DSC2: variants seen among roughly 807,000 people sequenced by gnomAD.
The protein encoded by DSC2 is desmocollin 2.
Under a neutral mutation model 87.6 loss-of-function variants are expected in DSC2, and 51 were observed. The ratio of observed to expected loss-of-function variants is 0.58; its 90% CI spans 0.46 to 0.74. DSC2 has a LOEUF of 0.74. Ranked by LOEUF, DSC2 falls within the 30% of genes least tolerant of loss-of-function variation. DSC2 has a pLI of 0.00. For synonymous variants in DSC2, 383 were observed against 393.2 expected, an observed-to-expected ratio of 0.97 and a Z score of 0.31; for missense variants, 1,066 against 1,089.5, an observed-to-expected ratio of 0.98 and a Z score of 0.30.
intron 7 of DSC2, 84 bp downstream of exon 7, chr18:31,086,492 C>G: frequency 6.7e-7 from 1 of 1,499,512 alleles, no homozygotes; most frequent in Non-Finnish European, 9.3e-7. Context: ...TCACAACATA[C>G]TTTTCAAAAA....
intron 2 of DSC2, 59 bp downstream of exon 2, chr18:31,093,500 C>T: frequency 7.5e-7 from 1 of 1,339,568 alleles, no homozygotes; most frequent in Non-Finnish European, 1.1e-6. Flanking sequence ...TGTAGTATTC[C>T]ATGGCGTATA....
intron 1 of DSC2, among the ~76,000 whole-genome samples, chr18:31,100,473 G>C (rs1276252502): frequency 6.6e-6 from 1 of 152,176 alleles, no homozygotes; most frequent in Non-Finnish European, 1.5e-5. Flanking sequence ...CATATGTTCT[G>C]ACCGTTATTT....
chr18:31,074,809 T>A lies in DSC2; in HGVS notation c.1762A>T (p.Thr588Ser), dbSNP rs954839841. 4 of 1,613,774 alleles carry A rather than the reference T, an allele frequency of 2.5e-6. No individual in the cohort carries two copies. Among genetic ancestry groups the A allele is most frequent in the Middle Eastern group, 1.6e-4 (1 of 6,082 alleles). The change falls in exon 12 of 16, where the codon ACC becomes TCC. Residue 588 changes from threonine to serine, a missense_variant. Coordinates refer to ENST00000280904, the MANE Select transcript of DSC2 (RefSeq NM_024422.6). ...GCAACAATCTCCGCAGATGACATGG[T>A]GGGTTTGCAGATGATCACTGTCTTT... ...PKKTVIICKP[T>S]MSSAEIVAVD...
chr18:31,072,233 C>A (rs1478554606), intron 12 of DSC2, among the ~76,000 whole-genome samples: 1 of 152,166 alleles, frequency 6.6e-6, no homozygotes, highest in African/African-American at 2.4e-5. Context: ...AAGTAATAGT[C>A]TGAAATTCTG....
intron 1 of DSC2, among the ~76,000 whole-genome samples, chr18:31,099,899 C>T (rs1286341717): frequency 6.6e-6 from 1 of 152,092 alleles, no homozygotes; most frequent in Non-Finnish European, 1.5e-5. Flanking sequence ...GACAGGATTT[C>T]GCTCTGTCAC....
chr18:31,087,413 C>T (rs559589109), intron 6 of DSC2, among the ~76,000 whole-genome samples: 74 of 152,316 alleles, frequency 4.9e-4, no homozygotes, highest in Non-Finnish European at 8.4e-4. Context: ...TTGGCATTCG[C>T]TGTGTATTGA....
intron 1 of DSC2, among the ~76,000 whole-genome samples, chr18:31,095,156 G>T (rs959540596): frequency 1.3e-5 from 2 of 152,200 alleles, no homozygotes; most frequent in African/African-American, 4.8e-5. Flanking sequence ...CGTAAATGAA[G>T]TGAGGAAGTA....
rs376329593 is a variant in DSC2 at position 31,079,836 on chromosome 18, C to A, written c.1663+11G>T. Reference sequence around the variant, plus strand: ...AGGAAGTATGTAGCTGGCTTAAAGACAAATTCTTACCTTGGTCTGATGCAA... The same window carrying A: ...AGGAAGTATGTAGCTGGCTTAAAGAAAAATTCTTACCTTGGTCTGATGCAA... On this transcript the variant is annotated intron_variant, in intron 11 of 15. Transcript: ENST00000280904. 3.7e-6 allele frequency: 6 copies of A among 1,613,672 alleles called. No homozygotes were observed. In the African/African-American group the frequency reaches 6.7e-5, roughly 18 times the overall value.
intron 13 of DSC2, among the ~76,000 whole-genome samples, chr18:31,071,095 C>T (rs1350840506): frequency 6.6e-6 from 1 of 151,476 alleles, no homozygotes; most frequent in Admixed American, 6.6e-5. Context: ...GTTACATGTT[C>T]TGTTTCTACA....
At chr18:31,075,357 AGAGTTT>A (rs1451136812) in intron 11 of DSC2, among the ~76,000 whole-genome samples, 1 of 152,226 alleles carries the variant, frequency 6.6e-6, no homozygotes, top group African/African-American at 2.4e-5. Flanking sequence ...TAGGGAGCTT[AGAGTTT>A]GTTGGATAAA....
At chr18:31,081,650 A>C (rs573696560) in intron 9 of DSC2, among the ~76,000 whole-genome samples, 1 of 152,246 alleles carries the variant, frequency 6.6e-6, no homozygotes, top group African/African-American at 2.4e-5. Context: ...TTAAAGATGC[A>C]GCAGAAATAA....
In DSC2 at chr18:31,101,995, G is replaced by A. The variant is rs547549872; in HGVS notation, c.-24C>T. ...ATGGAGAGGGCTCGGGGCAGGTCGC[G>A]GGCCGAGCGTCGGGCCGGGGTAGGA... On this transcript the variant is annotated 5_prime_UTR_variant, in exon 1 of 16. Coordinates refer to ENST00000280904, the MANE Select transcript of DSC2 (RefSeq NM_024422.6). 24 of 1,487,798 alleles carry A rather than the reference G, an allele frequency of 1.6e-5. No homozygotes were observed. In the South Asian group the frequency reaches 2.7e-4, roughly 16 times the overall value. The allele number at this position is 1,487,798 out of a possible 1,614,324, so 92.2% of individuals were successfully genotyped here. A position where few individuals can be genotyped will look rare whatever the true frequency, so the allele number is the denominator to read the frequency against.
At chr18:31,101,515 GGCCCCGGCGCACTCCC>G (rs1355089153) in intron 1 of DSC2, 2,605 of 186,084 alleles carry the variant, frequency 0.014, 56 homozygotes, top group African/African-American at 0.045. Context: ...CCAGCTGGAC[GGCCCCGGCGCACTCCC>G]GCCCCGGCGC....
rs939766357 is a variant in DSC2 at position 31,059,007 on chromosome 18, T to G, written c.*9008A>C. On this transcript the variant is annotated 3_prime_UTR_variant, in exon 16 of 16. Transcript: ENST00000280904. ...TGTTCTAGCAATTTTTTAAAGCAGA[T>G]GAGGAAACTGAAGACTAGGGAGGTT... The G allele has an allele frequency of 6.6e-6, 1 of 152,106 alleles. No homozygotes were observed. Among genetic ancestry groups the G allele is most frequent in the African/African-American group, 2.4e-5 (1 of 41,424 alleles). 9.4% of individuals were successfully genotyped at this position (152,106 alleles called of 1,614,324 possible).
intron 1 of DSC2, among the ~76,000 whole-genome samples, chr18:31,096,916 C>T (rs1032969647): frequency 2.6e-5 from 4 of 152,050 alleles, no homozygotes; most frequent in Non-Finnish European, 5.9e-5. Flanking sequence ...CCAAGCAAAT[C>T]AACCATTACA....
At position 31,068,104 on chromosome 18, in the gene DSC2, T is replaced by G. The variant is rs770010497; in HGVS notation, c.2617A>C (p.Ser873Arg). ...GSVAGSVGCC[S>R]ERQEEDGLEF... The stretch of plus-strand genomic sequence containing the variant: ...AGCCCATCTTCTTCTTGTCGTTCAC[T>G]GCAACAACCTACAGACCCAGCCACC... Residue 873 changes from serine (S) to arginine (R), a missense_variant, in exon 16 of 16, where the codon AGT becomes CGT. By Grantham distance (110) the Ser-to-Arg change is moderately radical. Coordinates refer to ENST00000280904, the MANE Select transcript of DSC2 (RefSeq NM_024422.6). The G allele has an allele frequency of 1.2e-6, 2 of 1,614,110 alleles. No homozygotes were observed. The highest frequency in any genetic ancestry group is 1.7e-6 in the Non-Finnish European group (2 of 1,179,998).
Position 31,089,504 on chromosome 18 carries a change from C to T in DSC2, c.565G>A (p.Glu189Lys), listed in dbSNP as rs267605148. Residue 189 changes from glutamate (E) to lysine (K), a missense_variant, in exon 5 of 16, where the codon GAG becomes AAG. Transcript: ENST00000280904. ...CAATACAAGTTTCCAGTGTCTCTCT[C>T]CACATAAAATAAATTCCGAGGTTCT... ...DQEPRNLFYV[E>K]RDTGNLYCTR... The T allele has an allele frequency of 6.2e-7, 1 of 1,613,994 alleles. No homozygotes were observed.
intron 11 of DSC2, among the ~76,000 whole-genome samples, chr18:31,077,570 A>G (rs577051460): frequency 6.6e-6 from 1 of 152,334 alleles, no homozygotes; most frequent in Non-Finnish European, 1.5e-5. Flanking sequence ...GTCATAGAAG[A>G]ACATTTAAGA....
At chr18:31,077,853 T>A (rs535073433) in intron 11 of DSC2, among the ~76,000 whole-genome samples, 3 of 152,178 alleles carry the variant, frequency 2.0e-5, no homozygotes, top group Non-Finnish European at 1.5e-5. Flanking sequence ...AATAGAAACA[T>A]TAATCTCAAG....
Sources: allele counts gnomAD v4.1 joint callset (sites outside exome capture counted in the v4.1 genomes callset), GRCh38; gene constraint gnomAD v4.1.1; transcripts MANE v1.5; gene names NCBI Gene and HGNC (gene_info 2026-07-23, HGNC 2026-07-21).